Variants in LEMD3 observed in about 807,000 individuals in gnomAD.
The protein encoded by LEMD3 is LEM domain containing 3, also known as inner nuclear membrane protein Man1.
LEMD3 carries 33 observed loss-of-function variants against 95.2 expected under a neutral mutation model. The observed-to-expected ratio is 0.35, with a 90% confidence interval of 0.26 to 0.46. The LOEUF is 0.46. LEMD3 is among the 20% of genes least tolerant of loss of function. LEMD3 has a pLI of 1.00. For synonymous variants in LEMD3, 525 were observed against 474.6 expected (o/e 1.11, Z -1.38); for missense variants, 1,210 against 1,192.8 (o/e 1.01, Z -0.21).
chr12:65,238,693 A>G lies in LEMD3; in HGVS notation c.1800A>G (p.Glu600=). Residue 600 remains glutamate (E), a synonymous_variant, in exon 6 of 13, where the codon GAA becomes GAG. Transcript: ENST00000308330. ...GGTGTGTTGGTTTTGGCCCTGAGGA[A>G]GAATTGACAAATATAACTGATGTGC... The part of the protein sequence containing the change: ...GIRCVGFGPE[E]ELTNITDVQF... 6.2e-7 allele frequency: 1 copy of G among 1,614,102 alleles called. No individual in the cohort carries two copies. The highest frequency in any genetic ancestry group is 1.1e-5 in the South Asian group (1 of 91,080).
At chr12:65,244,610 TA>T (rs1298170866) in intron 10 of LEMD3, among the ~76,000 whole-genome samples, 1 of 152,272 alleles carries the variant, frequency 6.6e-6, no homozygotes, top group Non-Finnish European at 1.5e-5. Flanking sequence ...TAGTATTTAC[TA>T]AGAATTTTCT....
At chr12:65,193,500 A>G (rs1869309205) in intron 1 of LEMD3, among the ~76,000 whole-genome samples, 1 of 152,010 alleles carries the variant, frequency 6.6e-6, no homozygotes, top group Non-Finnish European at 1.5e-5. Flanking sequence ...TACCACTCAC[A>G]TGTCCCTGGA....
chr12:65,190,988 G>A (rs569213193), intron 1 of LEMD3, among the ~76,000 whole-genome samples: 1 of 152,072 alleles, frequency 6.6e-6, no homozygotes, highest in Non-Finnish European at 1.5e-5. Context: ...TGCAGAATCA[G>A]CAGTGTTTTA....
intron 1 of LEMD3, among the ~76,000 whole-genome samples, chr12:65,193,971 T>C (rs1397159806): frequency 1.3e-5 from 2 of 152,164 alleles, no homozygotes; most frequent in Admixed American, 6.6e-5. Flanking sequence ...AATGTTATGC[T>C]CGTATTATAC....
rs1286579434 is a variant in LEMD3, at chr12:65,246,912, T to C, written c.*587T>C. 2 of 154,460 alleles carry C rather than the reference T, an allele frequency of 1.3e-5. No homozygotes were observed. The highest frequency in any genetic ancestry group is 1.4e-5 in the Non-Finnish European group (1 of 69,284). The allele number at this position is 154,460 out of a possible 1,614,324, so 9.6% of individuals were successfully genotyped here. A position where few individuals can be genotyped will look rare whatever the true frequency, so the allele number is the denominator to read the frequency against. On this transcript the variant is annotated 3_prime_UTR_variant, in exon 13 of 13. Coordinates refer to ENST00000308330, the MANE Select transcript of LEMD3 (RefSeq NM_014319.5). ...AACTGGCTTTGTATATATGTATAAA[T>C]GCTGGTGGTGGTGAAAGTAGTCTTG...
chr12:65,188,307 G>A (rs1281613946), intron 1 of LEMD3, among the ~76,000 whole-genome samples: 1 of 152,086 alleles, frequency 6.6e-6, no homozygotes, highest in Non-Finnish European at 1.5e-5. Flanking sequence ...CTGAAGGCGG[G>A]GAGAGATAGC....
chr12:65,185,295 C>A (rs1189796316), intron 1 of LEMD3, among the ~76,000 whole-genome samples: 1 of 152,144 alleles, frequency 6.6e-6, no homozygotes, highest in African/African-American at 2.4e-5. Flanking sequence ...CCCTGCCTCT[C>A]TAAATTGTTC....
At position 65,238,741 on chromosome 12, in the gene LEMD3, A is replaced by G. The variant is rs767735135; in HGVS notation, c.1848A>G (p.Pro616=). The G allele has an allele frequency of 1.2e-6, 2 of 1,613,996 alleles. No homozygotes were observed. The highest frequency in any genetic ancestry group is 3.3e-5 in the Admixed American group (2 of 60,010). ...TGCAGTTTTTACAGTCCACAAGACC[A>G]CTGATGTCTTTTTGGTGTCGTTTTC... is the stretch of plus-strand genomic sequence containing the variant. ...TDVQFLQSTR[P]LMSFWCRFRR... Residue 616 remains proline (P), a synonymous_variant, in exon 6 of 13, where the codon CCA becomes CCG. Transcript: ENST00000308330.
In LEMD3 at chr12:65,169,938, C is replaced by A. The variant is rs1868462845; in HGVS notation, c.342C>A (p.Gly114=). The A allele has an allele frequency of 6.9e-7, 1 of 1,452,498 alleles. No homozygotes were observed. The allele number at this position is 1,452,498 out of a possible 1,614,324, so 90.0% of individuals were successfully genotyped here. A position where few individuals can be genotyped will look rare whatever the true frequency, so the allele number is the denominator to read the frequency against. ...PGGLCRISAS[G]PESLLGGPGG... ...GCCTGTGCCGAATCTCGGCCTCTGG[C>A]CCAGAGAGCCTCCTGGGAGGGCCCG... Residue 114 remains glycine, a synonymous_variant, in exon 1 of 13, where the codon GGC becomes GGA. Coordinates refer to ENST00000308330, the MANE Select transcript of LEMD3 (RefSeq NM_014319.5).
chr12:65,220,299 A>G (rs1017726740), intron 4 of LEMD3, among the ~76,000 whole-genome samples: 1 of 152,160 alleles, frequency 6.6e-6, no homozygotes. Flanking sequence ...ATACATATAC[A>G]TCTGTGTGTA....
rs932123645 is a variant in LEMD3 at position 65,244,285 on chromosome 12, A to ACC, written c.2387+823_2387+824dup. Among the ~76,000 whole-genome samples the ACC allele has an allele frequency of 7.5e-4, 109 of 145,002 alleles. 1 individual carries two copies. The highest frequency in any genetic ancestry group is 6.8e-3 in the South Asian group (31 of 4,532). ...GGCACGCGCACACACACACACACACACCCCCCCCACACACACAGAGACAAA... is the reference window on the plus strand; with the variant it reads ...GGCACGCGCACACACACACACACACACCCCCCCCCCACACACACAGAGACAAA... On this transcript the variant is annotated intron_variant, in intron 10 of 12. Transcript: ENST00000308330.
rs1465299245 is a variant in LEMD3 at position 65,218,545 on chromosome 12, T to C, written c.1628-7T>C. On this transcript the variant is annotated splice_polypyrimidine_tract_variant and splice_region_variant and intron_variant, in intron 3 of 12. Coordinates refer to ENST00000308330, the MANE Select transcript of LEMD3 (RefSeq NM_014319.5). ...ATTCAAAATTAATAATATGCTAATC[T>C]TTCCAGGAGATCATGAATGTGGCAG... 3.1e-6 allele frequency: 5 copies of C among 1,590,022 alleles called. No homozygotes were observed. Among genetic ancestry groups the C allele is most frequent in the Non-Finnish European group, 4.3e-6 (5 of 1,160,936 alleles).
chr12:65,237,788 T>C (rs541159782), intron 4 of LEMD3, among the ~76,000 whole-genome samples: 1 of 152,356 alleles, frequency 6.6e-6, no homozygotes, highest in African/African-American at 2.4e-5. Context: ...TCAAATCTTA[T>C]AATTGGTAAC....
At chr12:65,182,920 T>A (rs1048755051) in intron 1 of LEMD3, among the ~76,000 whole-genome samples, 1 of 152,188 alleles carries the variant, frequency 6.6e-6, no homozygotes, top group African/African-American at 2.4e-5. Context: ...AGTACTGTTA[T>A]TATCAAAGTG....
intron 1 of LEMD3, among the ~76,000 whole-genome samples, chr12:65,193,776 T>TGTGTGTGTGTGTG (rs1869322997): frequency 4.3e-5 from 2 of 46,762 alleles, no homozygotes; most frequent in East Asian, 6.5e-4. Context: ...GTGTGTGTGT[T>TGTGTGTGTGTGTG]GGGGGAGGGG....
At chr12:65,184,979 T>A (rs1869016097) in intron 1 of LEMD3, among the ~76,000 whole-genome samples, 1 of 151,954 alleles carries the variant, frequency 6.6e-6, no homozygotes, top group Non-Finnish European at 1.5e-5. Context: ...TTCAGATACT[T>A]TTTTTTTCTT....
intron 1 of LEMD3, among the ~76,000 whole-genome samples, chr12:65,189,013 T>C (rs1252551598): frequency 6.6e-6 from 1 of 152,156 alleles, no homozygotes; most frequent in Admixed American, 6.6e-5. Context: ...ATGGATACTA[T>C]CAAACCCTAT....
In LEMD3 at chr12:65,170,750, C is replaced by T. The variant is rs372588607; in HGVS notation, c.1154C>T (p.Ser385Phe). The T allele has an allele frequency of 2.2e-5, 35 of 1,614,084 alleles. No homozygotes were observed. Among genetic ancestry groups the T allele is most frequent in the Middle Eastern group, 1.6e-4 (1 of 6,084 alleles). Residue 385 changes from serine to phenylalanine, a missense_variant, in exon 1 of 13, where the codon TCC becomes TTC. This residue lies in a region of LEMD3 where 749 missense variants were observed against 622.9 expected (regional missense o/e 1.20). Transcript: ENST00000308330. The part of the protein sequence containing the change: ...MDSTLDSSTG[S>F]LLKTNNHIGG... ...TCAACCTTGGATTCGTCAACAGGCTCCCTTCTGAAAACCAATAATCATATT... is the reference window on the plus strand; with the variant it reads ...TCAACCTTGGATTCGTCAACAGGCTTCCTTCTGAAAACCAATAATCATATT...
At chr12:65,245,431 G>A (rs1177398357) in intron 10 of LEMD3, 2 of 469,298 alleles carry the variant, frequency 4.3e-6, no homozygotes, top group Admixed American at 3.5e-5. Context: ...GAGCCACCGC[G>A]CCTGGCCAGC....
Sources: gnomAD v4.1 joint callset for allele counts (sites outside exome capture counted in the v4.1 genomes callset) on GRCh38, gnomAD v4.1.1 for gene constraint, gnomAD v4.1.1 regional missense constraint, MANE v1.5 for transcripts, NCBI Gene and HGNC (gene_info 2026-07-23, HGNC 2026-07-21) for gene names.